SLC24A2: variants seen among roughly 807,000 people sequenced by gnomAD.
SLC24A2 encodes sodium/potassium/calcium exchanger 2.
In SLC24A2, 36 loss-of-function variants were observed where a neutral mutation model predicts 62.0. That is an observed-to-expected ratio of 0.58 (90% CI 0.44 to 0.77). The LOEUF (loss-of-function observed/expected upper bound fraction) is 0.77, where lower values mean the gene tolerates loss of function less well. SLC24A2 is among the 30% of genes least tolerant of loss of function. SLC24A2 has a pLI of 0.00. For synonymous variants in SLC24A2, 358 were observed against 294.0 expected (o/e 1.22, Z -2.23); for missense variants, 846 against 817.9 (o/e 1.03, Z -0.42).
intron 2 of SLC24A2, among the ~76,000 whole-genome samples, chr9:19,766,874 C>T (rs1407219521): frequency 6.6e-6 from 1 of 152,188 alleles, no homozygotes; most frequent in African/African-American, 2.4e-5. Context: ...ACGTTTAAGT[C>T]TGCTGAAGCT....
At chr9:20,117,143 T>C in the SLC24A2 span, among the ~76,000 whole-genome samples, 3 of 152,208 alleles carry the variant, frequency 2.0e-5, no homozygotes, top group African/African-American at 7.2e-5. Context: ...AAAGATAACA[T>C]CTCCTTCCCT....
the SLC24A2 span, among the ~76,000 whole-genome samples, chr9:19,804,225 C>T: frequency 6.6e-6 from 1 of 152,066 alleles, no homozygotes; most frequent in Non-Finnish European, 1.5e-5. Context: ...AGAGAATTGC[C>T]ATTTTAATAT....
chr9:20,143,639 G>A, the SLC24A2 span, among the ~76,000 whole-genome samples: 1 of 152,282 alleles, frequency 6.6e-6, no homozygotes, highest in Admixed American at 6.5e-5. Flanking sequence ...CCATTTGAAT[G>A]AATGAATGAA....
the SLC24A2 span, among the ~76,000 whole-genome samples, chr9:20,061,358 C>T: frequency 1.6e-4 from 25 of 152,006 alleles, no homozygotes; most frequent in African/African-American, 6.0e-4. Context: ...ATGATCTTGG[C>T]TCACCACAAC....
At chr9:19,836,405 G>A in the SLC24A2 span, among the ~76,000 whole-genome samples, 5 of 152,174 alleles carry the variant, frequency 3.3e-5, no homozygotes, top group East Asian at 3.9e-4. Flanking sequence ...TACCACCACC[G>A]ATCCCACAGA....
At chr9:20,223,986 A>G in the SLC24A2 span, among the ~76,000 whole-genome samples, 1 of 152,056 alleles carries the variant, frequency 6.6e-6, no homozygotes, top group African/African-American at 2.4e-5. Flanking sequence ...AGAAAAAGTG[A>G]GAGAGTGAGG....
At chr9:19,938,541 G>T in the SLC24A2 span, among the ~76,000 whole-genome samples, 9 of 152,112 alleles carry the variant, frequency 5.9e-5, no homozygotes, top group Non-Finnish European at 1.2e-4. Flanking sequence ...CTCTGGAATA[G>T]TCTCCTTCTG....
the SLC24A2 span, among the ~76,000 whole-genome samples, chr9:20,012,150 A>G: frequency 2.0e-5 from 3 of 152,204 alleles, no homozygotes; most frequent in Admixed American, 6.5e-5. Flanking sequence ...TACCCACTGT[A>G]TTAGTCCATT....
At chr9:19,553,593 G>T (rs1309411687) in intron 7 of SLC24A2, among the ~76,000 whole-genome samples, 2 of 152,290 alleles carry the variant, frequency 1.3e-5, no homozygotes, top group Non-Finnish European at 2.9e-5. Context: ...TGTGTTGGTT[G>T]TCAGAACTTA....
intron 2 of SLC24A2, among the ~76,000 whole-genome samples, chr9:19,723,575 T>C (rs886773719): frequency 6.6e-6 from 1 of 152,166 alleles, no homozygotes; most frequent in African/African-American, 2.4e-5. Context: ...TTTTGCCATA[T>C]GACTTTAGGA....
At chr9:20,197,172 A>G in the SLC24A2 span, among the ~76,000 whole-genome samples, 3 of 152,288 alleles carry the variant, frequency 2.0e-5, no homozygotes, top group East Asian at 1.9e-4. Context: ...TATTACTTGG[A>G]TAAGAGATTT....
chr9:19,810,687 T>C, the SLC24A2 span, among the ~76,000 whole-genome samples: 3 of 152,146 alleles, frequency 2.0e-5, no homozygotes, highest in African/African-American at 7.2e-5. Context: ...CATAATAAAA[T>C]CCATAGCTCT....
chr9:19,577,727 T>C (rs572358608), intron 5 of SLC24A2, among the ~76,000 whole-genome samples: 9 of 152,076 alleles, frequency 5.9e-5, no homozygotes, highest in African/African-American at 2.2e-4. Flanking sequence ...GGAATGGTGC[T>C]GGACATGCAT....
intron 2 of SLC24A2, among the ~76,000 whole-genome samples, chr9:19,704,389 GAA>G (rs556011221): frequency 1.5e-5 from 2 of 136,110 alleles, no homozygotes; most frequent in South Asian, 4.4e-4. Flanking sequence ...AGGAAATAGG[GAA>G]AGAGAGAGAG....
At chr9:19,805,810 C>T in the SLC24A2 span, among the ~76,000 whole-genome samples, 1 of 142,976 alleles carries the variant, frequency 7.0e-6, no homozygotes, top group African/African-American at 2.6e-5. Context: ...GCCTAAAGCT[C>T]AAACACTTTC....
intron 4 of SLC24A2, among the ~76,000 whole-genome samples, chr9:19,603,684 C>T (rs1321151735): frequency 1.3e-5 from 2 of 152,162 alleles, no homozygotes; most frequent in Non-Finnish European, 2.9e-5. Context: ...TTGCACTCTT[C>T]TTCCCTTATC....
At chr9:19,910,691 C>T in the SLC24A2 span, among the ~76,000 whole-genome samples, 4 of 152,036 alleles carry the variant, frequency 2.6e-5, no homozygotes, top group Admixed American at 6.6e-5. Context: ...ACTGTCACCT[C>T]GCTATATCTA....
At chr9:19,727,448 A>G (rs1317136114) in intron 2 of SLC24A2, among the ~76,000 whole-genome samples, 1 of 152,076 alleles carries the variant, frequency 6.6e-6, no homozygotes, top group East Asian at 1.9e-4. Context: ...GCACTCTCCT[A>G]CACACTACAT....
chr9:20,115,284 T>G, the SLC24A2 span, among the ~76,000 whole-genome samples: 1 of 152,246 alleles, frequency 6.6e-6, no homozygotes, highest in South Asian at 2.1e-4. Flanking sequence ...AGAACTTTAA[T>G]TTCTTCTTTG....
Sources: allele counts gnomAD v4.1 joint callset (sites outside exome capture counted in the v4.1 genomes callset), GRCh38; gene constraint gnomAD v4.1.1; transcripts MANE v1.5; gene names NCBI Gene and HGNC (gene_info 2026-07-23, HGNC 2026-07-21).